RALYL: variants seen among roughly 807,000 people sequenced by gnomAD.
RALYL encodes the protein RALY RNA binding protein like, also known as RNA-binding Raly-like protein.
In RALYL, 29 loss-of-function variants were observed where a neutral mutation model predicts 35.1. That is an observed-to-expected ratio of 0.83 (90% CI 0.61 to 1.13). The LOEUF (loss-of-function observed/expected upper bound fraction) is 1.13. Among genes scored for constraint, RALYL ranks in the 50% most tolerant of loss-of-function variants. RALYL has a pLI of 0.00. For synonymous variants in RALYL, 120 were observed against 127.6 expected, an observed-to-expected ratio of 0.94 and a Z score of 0.40; for missense variants, 359 against 360.4, an observed-to-expected ratio of 1.00 and a Z score of 0.03.
chr8:84,423,765 C>T (rs1434337309), intron 1 of RALYL, among the ~76,000 whole-genome samples: 1 of 151,532 alleles, frequency 6.6e-6, no homozygotes, highest in Non-Finnish European at 1.5e-5. Context: ...AATCGGTCAG[C>T]ATTTGCTTGT....
intron 2 of RALYL, among the ~76,000 whole-genome samples, chr8:84,535,438 C>CT (rs35056318): frequency 0.56 from 75,932 of 134,500 alleles, 21,587 homozygotes; most frequent in East Asian, 0.64. Flanking sequence ...GCATCCCTGC[C>CT]TTTTTTTTTT....
At chr8:84,494,199 A>G (rs1218119488) in intron 1 of RALYL, among the ~76,000 whole-genome samples, 8 of 152,128 alleles carry the variant, frequency 5.3e-5, no homozygotes, top group Non-Finnish European at 1.2e-4. Flanking sequence ...GGTTTGTTGA[A>G]GATCAGATGG....
At chr8:84,468,533 C>T (rs1431904123) in intron 1 of RALYL, among the ~76,000 whole-genome samples, 3 of 149,490 alleles carry the variant, frequency 2.0e-5, no homozygotes, top group Admixed American at 1.3e-4. Flanking sequence ...TGATGGGCTT[C>T]CCTTTGAGGG....
intron 2 of RALYL, among the ~76,000 whole-genome samples, chr8:84,758,048 G>A (rs2718987): frequency 0.27 from 40,818 of 151,976 alleles, 5,881 homozygotes; most frequent in African/African-American, 0.35. Context: ...TAAAATATGT[G>A]TAAAAATTGA....
chr8:84,560,195 G>A (rs561819196), intron 2 of RALYL, among the ~76,000 whole-genome samples: 11 of 151,960 alleles, frequency 7.2e-5, no homozygotes, highest in Non-Finnish European at 1.3e-4. Flanking sequence ...AGGAGAGAGT[G>A]TCCAAATATC....
intron 1 of RALYL, among the ~76,000 whole-genome samples, chr8:84,241,607 C>T (rs748198292): frequency 6.6e-6 from 1 of 151,898 alleles, no homozygotes; most frequent in Admixed American, 6.6e-5. Context: ...GAAACCCTAT[C>T]TCTATTAAAA....
chr8:84,909,902 T>C (rs547906375), intron 8 of RALYL, among the ~76,000 whole-genome samples: 2 of 152,256 alleles, frequency 1.3e-5, no homozygotes, highest in Non-Finnish European at 2.9e-5. Context: ...AACCCAGGTA[T>C]ATTAAGGAGA....
chr8:84,233,493 G>A (rs193080492), intron 1 of RALYL, among the ~76,000 whole-genome samples: 1 of 152,194 alleles, frequency 6.6e-6, no homozygotes, highest in Admixed American at 6.5e-5. Flanking sequence ...GTCTGCTTTA[G>A]GTCTGGTGCT....
chr8:84,310,535 C>A (rs929345222), intron 1 of RALYL, among the ~76,000 whole-genome samples: 1 of 150,598 alleles, frequency 6.6e-6, no homozygotes, highest in African/African-American at 2.4e-5. Context: ...GGGAAATGAA[C>A]GAAAGGGATT....
chr8:84,262,952 T>G (rs1164080584), intron 1 of RALYL, among the ~76,000 whole-genome samples: 1 of 152,156 alleles, frequency 6.6e-6, no homozygotes, highest in Non-Finnish European at 1.5e-5. Context: ...TTGAGAAGTG[T>G]CTCTAGTTTT....
intron 1 of RALYL, among the ~76,000 whole-genome samples, chr8:84,501,658 C>G (rs2056671849): frequency 6.6e-6 from 1 of 151,608 alleles, no homozygotes; most frequent in African/African-American, 2.4e-5. Context: ...TTATATCGAC[C>G]CATGTCTATA....
chr8:84,627,884 T>C (rs1823084531), intron 2 of RALYL, among the ~76,000 whole-genome samples: 4 of 152,070 alleles, frequency 2.6e-5, no homozygotes, highest in Admixed American at 2.0e-4. Flanking sequence ...CTATTTCAAA[T>C]TGTACCCCAC....
intron 1 of RALYL, among the ~76,000 whole-genome samples, chr8:84,501,275 TA>T (rs2056629465): frequency 6.6e-6 from 1 of 152,146 alleles, no homozygotes; most frequent in South Asian, 2.1e-4. Flanking sequence ...AGATAACATT[TA>T]AAAAGACATA....
intron 1 of RALYL, among the ~76,000 whole-genome samples, chr8:84,387,280 G>A (rs1300891249): frequency 6.6e-6 from 1 of 151,674 alleles, no homozygotes; most frequent in African/African-American, 2.4e-5. Flanking sequence ...TTACTGAATG[G>A]CCTGAACTCA....
intron 2 of RALYL, among the ~76,000 whole-genome samples, chr8:84,641,019 T>C (rs1200814711): frequency 6.6e-6 from 1 of 151,774 alleles, no homozygotes; most frequent in East Asian, 1.9e-4. Context: ...TGCTTGGACT[T>C]TCTGACTTGT....
intron 1 of RALYL, among the ~76,000 whole-genome samples, chr8:84,198,746 C>G (rs982239920): frequency 5.9e-5 from 9 of 152,244 alleles, no homozygotes; most frequent in African/African-American, 2.2e-4. Flanking sequence ...GAATATGCAA[C>G]ATTGATCTTT....
chr8:84,424,866 G>T (rs1253751201), intron 1 of RALYL, among the ~76,000 whole-genome samples: 1 of 151,638 alleles, frequency 6.6e-6, no homozygotes, highest in African/African-American at 2.4e-5. Flanking sequence ...CTGCTCGGGG[G>T]TCAGGGGTCA....
intron 2 of RALYL, among the ~76,000 whole-genome samples, chr8:84,676,059 T>A (rs1158253609): frequency 9.2e-5 from 14 of 152,132 alleles, no homozygotes; most frequent in Admixed American, 9.2e-4. Flanking sequence ...CTCGAATATA[T>A]CCAACTGTTA....
At chr8:84,252,633 G>A (rs886213758) in intron 1 of RALYL, among the ~76,000 whole-genome samples, 11 of 152,078 alleles carry the variant, frequency 7.2e-5, no homozygotes, top group East Asian at 1.9e-4. Context: ...CATTGCTTGC[G>A]TGATCTTTAT....
Sources: gnomAD v4.1 joint callset for allele counts (sites outside exome capture counted in the v4.1 genomes callset) on GRCh38, gnomAD v4.1.1 for gene constraint, MANE v1.5 for transcripts, NCBI Gene and HGNC (gene_info 2026-07-23, HGNC 2026-07-21) for gene names.